PDE4B: variants seen among roughly 807,000 people sequenced by gnomAD.
PDE4B encodes phosphodiesterase 4B.
Under a neutral mutation model 82.2 loss-of-function variants are expected in PDE4B, and 20 were observed. The ratio of observed to expected loss-of-function variants is 0.24; its 90% confidence interval spans 0.17 to 0.35. The LOEUF (loss-of-function observed/expected upper bound fraction) is 0.35, where lower values mean the gene tolerates loss of function less well. Among genes scored for constraint, PDE4B ranks in the 10% least tolerant of loss-of-function variants. PDE4B has a pLI of 1.00. For synonymous variants in PDE4B, 320 were observed against 318.9 expected (o/e 1.00, Z -0.04); for missense variants, 655 against 907.2 (o/e 0.72, Z 3.57).
Position 65,980,066 on chromosome 1 carries a change from C to A in PDE4B, c.281+61231C>A, listed in dbSNP as rs190513105. Among the ~76,000 whole-genome samples the A allele has an allele frequency of 1.6e-4, 25 of 152,158 alleles. No homozygotes were observed. The East Asian group carries it at 4.1e-3, about 25-fold the overall frequency. On this transcript the variant is annotated intron_variant, in intron 3 of 16. Coordinates refer to ENST00000341517, the MANE Select transcript of PDE4B (RefSeq NM_002600.4). ...CAGAAAGAGGTAAAAGCAAACAGAT[C>A]CTGAAGTGAGTGTGAGTCGCCATGA...
chr1:66,096,747 G>A (rs943686772), intron 3 of PDE4B, among the ~76,000 whole-genome samples: 1 of 151,222 alleles, frequency 6.6e-6, no homozygotes, highest in African/African-American at 2.4e-5. Context: ...AGAACATTGT[G>A]ACCACTTCTA....
intron 3 of PDE4B, among the ~76,000 whole-genome samples, chr1:65,923,806 G>T (rs940275380): frequency 6.6e-6 from 1 of 151,920 alleles, no homozygotes; most frequent in African/African-American, 2.4e-5. Flanking sequence ...GCCTAAGGAT[G>T]GATTTCCTTT....
At chr1:66,302,624 A>G (rs1657977673) in intron 7 of PDE4B, among the ~76,000 whole-genome samples, 1 of 152,166 alleles carries the variant, frequency 6.6e-6, no homozygotes, top group African/African-American at 2.4e-5. Context: ...TCTTAACCTC[A>G]TCAGACAAAT....
At position 66,363,278 on chromosome 1, in the gene PDE4B, G is replaced by A. The variant is rs1050489855; in HGVS notation, c.1119+12G>A. ...ATGCTATATTCCAGGTGAGTGAACA[G>A]GAGTGAATACTGGCTTTCCAATTGG... On this transcript the variant is annotated intron_variant, in intron 11 of 16. Transcript: ENST00000341517. 4.4e-6 allele frequency: 7 copies of A among 1,580,748 alleles called. No individual in the cohort carries two copies. In the African/African-American group the frequency reaches 8.1e-5, roughly 18 times the overall value.
intron 3 of PDE4B, among the ~76,000 whole-genome samples, chr1:66,093,103 T>G (rs1645055170): frequency 6.6e-6 from 1 of 151,998 alleles, no homozygotes; most frequent in Admixed American, 6.6e-5. Context: ...GGACAGGGTT[T>G]GTGGCATGAA....
chr1:65,946,283 C>T (rs1040640233), intron 3 of PDE4B, among the ~76,000 whole-genome samples: 1 of 152,100 alleles, frequency 6.6e-6, no homozygotes, highest in South Asian at 2.1e-4. Flanking sequence ...TGGTTGATTG[C>T]TGCTGGGGTC....
chr1:66,089,146 GTTACACAACTTC>G (rs941677357), intron 3 of PDE4B, among the ~76,000 whole-genome samples: 2 of 152,026 alleles, frequency 1.3e-5, no homozygotes, highest in Non-Finnish European at 2.9e-5. Flanking sequence ...CTGTAAAAAA[GTTACACAACTTC>G]TTAAAGCTCC....
chr1:66,152,502 C>T, intron 3 of PDE4B: 1 of 325,572 alleles, frequency 3.1e-6, no homozygotes, highest in Non-Finnish European at 7.0e-6. Flanking sequence ...CAGTATCAGT[C>T]ATGGTTCTCC....
chr1:66,221,338 C>T (rs1041598211), intron 3 of PDE4B, among the ~76,000 whole-genome samples: 4 of 151,962 alleles, frequency 2.6e-5, no homozygotes, highest in Non-Finnish European at 4.4e-5. Context: ...TTGTGTAGAC[C>T]CCCTGATTAT....
At chr1:65,988,668 A>G (rs1019649465) in intron 3 of PDE4B, among the ~76,000 whole-genome samples, 2 of 151,892 alleles carry the variant, frequency 1.3e-5, no homozygotes, top group African/African-American at 2.4e-5. Flanking sequence ...TTGTCTTTTT[A>G]AAAAAAGCTT....
chr1:65,813,638 A>G (rs1645844990), intron 1 of PDE4B, among the ~76,000 whole-genome samples: 1 of 152,200 alleles, frequency 6.6e-6, no homozygotes, highest in Non-Finnish European at 1.5e-5. Context: ...GGTCCTCTAT[A>G]GTTTCAAAGA....
chr1:66,195,502 G>A (rs779226264), intron 3 of PDE4B, among the ~76,000 whole-genome samples: 1 of 152,158 alleles, frequency 6.6e-6, no homozygotes, highest in Non-Finnish European at 1.5e-5. Context: ...TTTCTAAAGA[G>A]CACCATCCCC....
chr1:66,187,263 A>G (rs1570425809), intron 3 of PDE4B, among the ~76,000 whole-genome samples: 1 of 151,796 alleles, frequency 6.6e-6, no homozygotes, highest in African/African-American at 2.4e-5. Flanking sequence ...TTTTGCATCA[A>G]TGTTCATCAA....
chr1:66,270,418 T>C (rs1655386185), intron 7 of PDE4B, among the ~76,000 whole-genome samples: 1 of 152,176 alleles, frequency 6.6e-6, no homozygotes, highest in Admixed American at 6.5e-5. Context: ...AGATGCAGGG[T>C]CTCTTCAAGT....
rs374682666 is a variant in PDE4B at position 65,801,879 on chromosome 1, A to C, written c.-71+8631A>C. Among the ~76,000 whole-genome samples, 11 of 152,330 alleles carry C rather than the reference A, an allele frequency of 7.2e-5. No homozygotes were observed. The East Asian group carries it at 2.1e-3, about 29-fold the overall frequency. ...ATTTCTTCTGACTTCACACTGTCAC[A>C]AACTGAGAAATACTTTAAAAGGAGG... On this transcript the variant is annotated intron_variant, in intron 1 of 16. Transcript: ENST00000341517.
At chr1:65,867,778 G>C (rs1266734639) in intron 1 of PDE4B, among the ~76,000 whole-genome samples, 1 of 152,190 alleles carries the variant, frequency 6.6e-6, no homozygotes, top group Non-Finnish European at 1.5e-5. Flanking sequence ...TTCCCAAACA[G>C]AGATACACAC....
chr1:66,209,980 G>A (rs1367322291), intron 3 of PDE4B, among the ~76,000 whole-genome samples: 1 of 152,066 alleles, frequency 6.6e-6, no homozygotes, highest in Non-Finnish European at 1.5e-5. Context: ...AAGCTGCTAT[G>A]AGCGTTCGTA....
At chr1:66,237,515 C>T (rs1191590726) in intron 3 of PDE4B, among the ~76,000 whole-genome samples, 2 of 152,178 alleles carry the variant, frequency 1.3e-5, no homozygotes, top group Non-Finnish European at 2.9e-5. Context: ...TGCACCTCAA[C>T]ACCTCCCTAG....
At chr1:66,212,710 A>G (rs1025648497) in intron 3 of PDE4B, among the ~76,000 whole-genome samples, 1 of 152,178 alleles carries the variant, frequency 6.6e-6, no homozygotes, top group African/African-American at 2.4e-5. Context: ...CTCATTAAAC[A>G]TTCAATGAAC....
Sources: gnomAD v4.1 joint callset for allele counts (sites outside exome capture counted in the v4.1 genomes callset) on GRCh38, gnomAD v4.1.1 for gene constraint, MANE v1.5 for transcripts, NCBI Gene and HGNC (gene_info 2026-07-23, HGNC 2026-07-21) for gene names.